SVEP1: variants seen among roughly 807,000 people sequenced by gnomAD.
SVEP1 encodes sushi, von Willebrand factor type A, EGF and pentraxin domain containing 1, also known as sushi, von Willebrand factor type A, EGF and pentraxin domain-containing protein 1.
Under a neutral mutation model 367.3 loss-of-function variants are expected in SVEP1, and 164 were observed. The ratio of observed to expected loss-of-function variants is 0.45; its 90% confidence interval spans 0.39 to 0.51. The LOEUF (loss-of-function observed/expected upper bound fraction) is 0.51. SVEP1 is among the 20% of genes least tolerant of loss of function. SVEP1 has a pLI of 0.00. For missense variants in SVEP1, 4,117 were observed against 4,425.3 expected, an observed-to-expected ratio of 0.93 and a Z score of 1.98; for synonymous variants, 1,666 against 1,611.6, an observed-to-expected ratio of 1.03 and a Z score of -0.81.
rs1564123391 is a variant in SVEP1, at chr9:110,379,393, A to G, written c.10362T>C (p.Ser3454=). ...TCCATGTTCCATTTTCTAAACAAAC[A>G]CTCCTCAGGAAACCCTCCAACATGT... ...SGYMLEGFLR[S]VCLENGTWTS... The change falls in exon 44 of 48, where the codon AGT becomes AGC. Residue 3454 remains serine, a synonymous_variant. Coordinates refer to ENST00000374469, the MANE Select transcript of SVEP1 (RefSeq NM_153366.4). The G allele has an allele frequency of 6.2e-7, 1 of 1,613,604 alleles. No homozygotes were observed.
At chr9:110,395,114 T>C (rs536005896) in intron 40 of SVEP1, among the ~76,000 whole-genome samples, 1 of 152,200 alleles carries the variant, frequency 6.6e-6, no homozygotes, top group Admixed American at 6.5e-5. Context: ...AAGGTCAGGT[T>C]ACCCACAAAG....
At chr9:110,395,901 A>G (rs1386807318) in intron 40 of SVEP1, among the ~76,000 whole-genome samples, 2 of 151,920 alleles carry the variant, frequency 1.3e-5, no homozygotes, top group East Asian at 1.9e-4. Flanking sequence ...CACAATAATA[A>G]TGGGAGACTT....
chr9:110,487,143 A>T (rs561346177), intron 9 of SVEP1, among the ~76,000 whole-genome samples: 1 of 152,152 alleles, frequency 6.6e-6, no homozygotes, highest in East Asian at 1.9e-4. Flanking sequence ...TTTAGTAGAG[A>T]TGGGGTTTCT....
At chr9:110,474,094 G>A (rs766977663) in intron 14 of SVEP1, among the ~76,000 whole-genome samples, 5 of 152,026 alleles carry the variant, frequency 3.3e-5, no homozygotes, top group African/African-American at 4.8e-5. Flanking sequence ...TCCCCCTCCC[G>A]GGTTCAAGTG....
intron 37 of SVEP1, among the ~76,000 whole-genome samples, chr9:110,410,235 G>A (rs921158761): frequency 6.6e-6 from 1 of 152,130 alleles, no homozygotes; most frequent in Non-Finnish European, 1.5e-5. Context: ...ATTAGAATAT[G>A]GTCAATTTCA....
chr9:110,571,806 G>T (rs2118884697), intron 1 of SVEP1, among the ~76,000 whole-genome samples: 1 of 152,304 alleles, frequency 6.6e-6, no homozygotes, highest in African/African-American at 2.4e-5. Flanking sequence ...GCCAGGCGGG[G>T]ACTCCAGTGG....
At chr9:110,409,795 A>G (rs1828018113) in intron 37 of SVEP1, among the ~76,000 whole-genome samples, 1 of 152,210 alleles carries the variant, frequency 6.6e-6, no homozygotes, top group African/African-American at 2.4e-5. Context: ...TTAAAACAAA[A>G]AATTAATATT....
intron 34 of SVEP1, among the ~76,000 whole-genome samples, 198 bp downstream of exon 34, chr9:110,429,722 G>A (rs143961772): frequency 3.9e-5 from 6 of 152,016 alleles, no homozygotes; most frequent in African/African-American, 1.2e-4. Flanking sequence ...TTGGTCAGGG[G>A]ATTTAAGGAT....
chr9:110,380,000 T>G (rs1395132581), intron 43 of SVEP1, among the ~76,000 whole-genome samples: 1 of 152,176 alleles, frequency 6.6e-6, no homozygotes, highest in Non-Finnish European at 1.5e-5. Context: ...AATGAGTCAG[T>G]GAATGAATAT....
intron 2 of SVEP1, among the ~76,000 whole-genome samples, chr9:110,549,231 TTATTA>T (rs1308082260): frequency 6.6e-6 from 1 of 152,142 alleles, no homozygotes; most frequent in Admixed American, 6.5e-5. Context: ...CACAGCTAAC[TTATTA>T]TAATGTATAA....
intron 27 of SVEP1, among the ~76,000 whole-genome samples, chr9:110,439,415 C>A (rs1828478878): frequency 6.6e-6 from 1 of 152,018 alleles, no homozygotes; most frequent in Non-Finnish European, 1.5e-5. Flanking sequence ...ATTTTTGAGG[C>A]AGAGTGTCAC....
In SVEP1 at chr9:110,390,275, T is replaced by TA. The variant is rs1491250991; in HGVS notation, c.9823-689_9823-688insT. On this transcript the variant is annotated intron_variant, in intron 40 of 47. Transcript: ENST00000374469. ...CTTATATAAGTATGTATATATATAC[T>TA]TATATATATACATACTTATATATAC... 1.0e-4 allele frequency among the ~76,000 whole-genome samples: 7 copies of TA among 67,904 alleles called. No individual in the cohort carries two copies. The East Asian group carries it at 1.7e-3, about 16-fold the overall frequency. 44.5% of individuals were successfully genotyped at this position (67,904 alleles called of 152,430 possible).
chr9:110,506,834 G>C (rs950748578), intron 5 of SVEP1, among the ~76,000 whole-genome samples: 5 of 152,086 alleles, frequency 3.3e-5, no homozygotes, highest in Non-Finnish European at 4.4e-5. Flanking sequence ...GGGAAACATA[G>C]GTGGAGGAGA....
chr9:110,472,033 C>G, intron 15 of SVEP1, 126 bp downstream of exon 15: 1 of 1,019,182 alleles, frequency 9.8e-7, no homozygotes. Context: ...GTTAACTGTG[C>G]TTTCCCTAAT....
chr9:110,474,936 T>C (rs1291830730), intron 14 of SVEP1, among the ~76,000 whole-genome samples: 1 of 151,438 alleles, frequency 6.6e-6, no homozygotes, highest in Non-Finnish European at 1.5e-5. Flanking sequence ...CATCAGTATA[T>C]ACACAATAAG....
intron 3 of SVEP1, among the ~76,000 whole-genome samples, chr9:110,523,925 G>T (rs929271046): frequency 6.6e-6 from 1 of 151,874 alleles, no homozygotes; most frequent in Non-Finnish European, 1.5e-5. Context: ...ATAATAAAAT[G>T]ATTTAGGAAG....
At chr9:110,395,860 T>C (rs890359126) in intron 40 of SVEP1, among the ~76,000 whole-genome samples, 46 of 152,240 alleles carry the variant, frequency 3.0e-4, no homozygotes, top group Non-Finnish European at 5.4e-4. Context: ...AAGCAAGTCC[T>C]TAGTGACCTA....
intron 46 of SVEP1, among the ~76,000 whole-genome samples, chr9:110,371,919 GT>G (rs1827283436): frequency 1.3e-5 from 2 of 152,178 alleles, no homozygotes; most frequent in Admixed American, 1.3e-4. Context: ...GCCAAAATCA[GT>G]TTTCTAAAAG....
intron 1 of SVEP1, among the ~76,000 whole-genome samples, chr9:110,553,718 T>G (rs1434213078): frequency 6.6e-6 from 1 of 152,140 alleles, no homozygotes; most frequent in African/African-American, 2.4e-5. Context: ...GGCAGGTATT[T>G]TTGTGTATTT....
Sources: allele counts gnomAD v4.1 joint callset (sites outside exome capture counted in the v4.1 genomes callset), GRCh38; gene constraint gnomAD v4.1.1; transcripts MANE v1.5; gene names NCBI Gene and HGNC (gene_info 2026-07-23, HGNC 2026-07-21).